ETNK1: variants seen among roughly 807,000 people sequenced by gnomAD.
ETNK1 encodes ethanolamine kinase 1, also known as putative protein product of Nbla10396.
A neutral mutation model predicts 45.1 loss-of-function variants in ETNK1; 8 were observed. The observed-to-expected ratio is 0.18, with a 90% CI of 0.10 to 0.32. ETNK1 has a LOEUF of 0.32. Among genes scored for constraint, ETNK1 ranks in the 10% least tolerant of loss-of-function variants. The pLI is 1.00. For synonymous variants in ETNK1, 152 were observed against 151.9 expected, an observed-to-expected ratio of 1.00 and a Z score of -0.01; for missense variants, 302 against 430.6, an observed-to-expected ratio of 0.70 and a Z score of 2.64.
chr12:22,634,070 T>C (rs1953620972), intron 1 of ETNK1, among the ~76,000 whole-genome samples: 1 of 152,158 alleles, frequency 6.6e-6, no homozygotes, highest in Admixed American at 6.5e-5. Context: ...TTAGGTATGA[T>C]ATATGCTATA....
intron 1 of ETNK1, among the ~76,000 whole-genome samples, chr12:22,631,504 G>C (rs1214968552): frequency 6.6e-6 from 1 of 152,100 alleles, no homozygotes; most frequent in Admixed American, 6.5e-5. Flanking sequence ...GTGTGCTTTA[G>C]TTTTATGTAA....
rs1250931271 is a variant in ETNK1 at position 22,690,643 on chromosome 12, A to G, written c.*5689A>G. 2.0e-5 allele frequency: 3 copies of G among 152,540 alleles called. No homozygotes were observed. Among genetic ancestry groups the G allele is most frequent in the African/African-American group, 7.2e-5 (3 of 41,450 alleles). 9.4% of individuals were successfully genotyped at this position (152,540 alleles called of 1,614,324 possible). On this transcript the variant is annotated 3_prime_UTR_variant, in exon 8 of 8. Transcript: ENST00000266517. ...TCTGTAAATAAAAATTCGTTGTAAC[A>G]ATAAAGTTGAGTTCTAACTACAGTG...
At chr12:22,677,301 T>C (rs1348654261) in intron 6 of ETNK1, among the ~76,000 whole-genome samples, 1 of 152,200 alleles carries the variant, frequency 6.6e-6, no homozygotes. Flanking sequence ...CTCAGATTTG[T>C]CAAAGATCAG....
Position 22,625,382 on chromosome 12 carries a change from G to C in ETNK1, c.-49G>C. On this transcript the variant is annotated 5_prime_UTR_variant, in exon 1 of 8. Transcript: ENST00000266517. ...GTCTGTCGGCGCCCGCCGTTCTCGT[G>C]GTCGCCGTCGCCGTCGTCGTGGTGG... 6.4e-7 allele frequency: 1 copy of C among 1,563,284 alleles called. No homozygotes were observed. Among genetic ancestry groups the C allele is most frequent in the Non-Finnish European group, 8.6e-7 (1 of 1,158,504 alleles).
chr12:22,653,848 T>A (rs1953908301), intron 2 of ETNK1, among the ~76,000 whole-genome samples: 1 of 152,224 alleles, frequency 6.6e-6, no homozygotes, highest in Non-Finnish European at 1.5e-5. Context: ...GTTAATTTTT[T>A]AAATCTCTTC....
chr12:22,653,372 G>A (rs1953901718), intron 2 of ETNK1, among the ~76,000 whole-genome samples: 1 of 152,008 alleles, frequency 6.6e-6, no homozygotes, highest in Non-Finnish European at 1.5e-5. Context: ...TTTTAGGATA[G>A]CTTTTTCTTT....
intron 1 of ETNK1, among the ~76,000 whole-genome samples, chr12:22,640,538 A>T (rs757245262): frequency 6.6e-6 from 1 of 151,950 alleles, no homozygotes; most frequent in Non-Finnish European, 1.5e-5. Flanking sequence ...TTTTAGTCTT[A>T]ATTATTATTT....
intron 4 of ETNK1, among the ~76,000 whole-genome samples, chr12:22,669,514 T>C (rs1400444714): frequency 6.6e-6 from 1 of 152,120 alleles, no homozygotes; most frequent in Admixed American, 6.6e-5. Context: ...ATTTCCCTGG[T>C]CATTATTTTT....
chr12:22,643,133 A>C (rs1953760061), intron 1 of ETNK1, among the ~76,000 whole-genome samples: 1 of 152,016 alleles, frequency 6.6e-6, no homozygotes, highest in Non-Finnish European at 1.5e-5. Flanking sequence ...TTATACTCTG[A>C]GTGTATAACA....
intron 2 of ETNK1, among the ~76,000 whole-genome samples, chr12:22,658,743 G>T (rs1177123071): frequency 2.0e-5 from 3 of 152,138 alleles, no homozygotes; most frequent in Non-Finnish European, 4.4e-5. Context: ...ACAACCTAAT[G>T]ATTCTTGCTG....
intron 1 of ETNK1, among the ~76,000 whole-genome samples, chr12:22,634,161 A>C (rs1246934013): frequency 6.6e-6 from 1 of 152,068 alleles, no homozygotes; most frequent in Non-Finnish European, 1.5e-5. Flanking sequence ...ATGAATGATG[A>C]ATTTGGCCAA....
intron 4 of ETNK1, 168 bp from the exon 5 acceptor site, chr12:22,671,104 C>T (rs1954102822): frequency 3.4e-6 from 2 of 582,548 alleles, no homozygotes; most frequent in South Asian, 2.1e-5. Flanking sequence ...TTGTAAAGCT[C>T]ATTGCCATAA....
At chr12:22,638,051 C>CAA (rs61218845) in intron 1 of ETNK1, among the ~76,000 whole-genome samples, 6 of 148,494 alleles carry the variant, frequency 4.0e-5, no homozygotes, top group African/African-American at 1.2e-4. Flanking sequence ...ATAAAAATTA[C>CAA]AAAAAAAAAG....
intron 2 of ETNK1, among the ~76,000 whole-genome samples, chr12:22,652,341 C>A (rs1953888293): frequency 6.6e-6 from 1 of 152,048 alleles, no homozygotes. Flanking sequence ...GTTTTTGATA[C>A]CCTGCTTTCA....
rs1326358231 is a variant in ETNK1 at position 22,690,137 on chromosome 12, C to T, written c.*5183C>T. The T allele has an allele frequency of 6.6e-6, 1 of 152,388 alleles. No homozygotes were observed. The highest frequency in any genetic ancestry group is 1.5e-5 in the Non-Finnish European group (1 of 67,880). The allele number at this position is 152,388 out of a possible 1,614,324, so 9.4% of individuals were successfully genotyped here. A position where few individuals can be genotyped will look rare whatever the true frequency, so the allele number is the denominator to read the frequency against. ...GCATAAAGCTTAAATTCGTGTTTAT[C>T]AAATGTGAACCATAGTAGTATAATG... On this transcript the variant is annotated 3_prime_UTR_variant, in exon 8 of 8. Coordinates refer to ENST00000266517, the MANE Select transcript of ETNK1 (RefSeq NM_018638.5).
chr12:22,678,331 A>AT (rs1471008165), intron 6 of ETNK1, among the ~76,000 whole-genome samples: 2 of 152,194 alleles, frequency 1.3e-5, no homozygotes, highest in African/African-American at 4.8e-5. Flanking sequence ...CTTACCAATC[A>AT]TGACATAATT....
chr12:22,654,957 A>G (rs186355290), intron 2 of ETNK1, among the ~76,000 whole-genome samples: 21 of 152,278 alleles, frequency 1.4e-4, no homozygotes, highest in African/African-American at 3.8e-4. Flanking sequence ...CAATCTTTCT[A>G]TTGTAACTTG....
At chr12:22,678,617 A>G (rs184778457) in intron 6 of ETNK1, among the ~76,000 whole-genome samples, 8 of 152,356 alleles carry the variant, frequency 5.3e-5, no homozygotes, top group Admixed American at 3.3e-4. Context: ...GATGAGGTAC[A>G]TTAACTATAT....
intron 1 of ETNK1, among the ~76,000 whole-genome samples, chr12:22,634,627 C>G (rs370926663): frequency 8.5e-5 from 13 of 152,330 alleles, no homozygotes; most frequent in Middle Eastern, 3.4e-3. Context: ...CTGGGTCTCA[C>G]TCTGTTGCCC....
Sources: allele counts gnomAD v4.1 joint callset (sites outside exome capture counted in the v4.1 genomes callset), GRCh38; gene constraint gnomAD v4.1.1; transcripts MANE v1.5; gene names NCBI Gene and HGNC (gene_info 2026-07-23, HGNC 2026-07-21).